Variants in ZNF507 observed in about 807,000 individuals in gnomAD.
ZNF507 encodes the protein zinc finger protein 507.
In ZNF507, 29 loss-of-function variants were observed where a neutral mutation model predicts 80.0. That is an observed-to-expected ratio of 0.36 (90% CI 0.27 to 0.49). ZNF507 has a LOEUF of 0.49. Among genes scored for constraint, ZNF507 ranks in the 20% least tolerant of loss-of-function variants. The pLI is 0.98. For missense variants in ZNF507, 1,081 were observed against 1,152.2 expected (o/e 0.94, Z 0.90); for synonymous variants, 462 against 422.5 (o/e 1.09, Z -1.15).
In ZNF507 at chr19:32,354,188, G is replaced by T. The variant is rs762970740; in HGVS notation, c.1358G>T (p.Gly453Val). The change falls in exon 3 of 7, where the codon GGA (glycine) becomes GTA (valine). Residue 453 changes from glycine (G) to valine (V), a missense_variant. This residue lies in a region of ZNF507 where 614 missense variants were observed against 583.9 expected (regional missense o/e 1.05). Transcript: ENST00000355898. ...RADKCTVDIG[G>V]LIIGWSSSEK... ...GATAAATGTACTGTTGATATTGGGGGATTGATCATAGGCTGGAGCAGTTCA... is the reference window on the plus strand; with the variant it reads ...GATAAATGTACTGTTGATATTGGGGTATTGATCATAGGCTGGAGCAGTTCA... 2 of 1,613,422 alleles carry T rather than the reference G, an allele frequency of 1.2e-6. No individual in the cohort carries two copies. The highest frequency in any genetic ancestry group is 8.5e-7 in the Non-Finnish European group (1 of 1,180,026).
At position 32,352,967 on chromosome 19, in the gene ZNF507, A is replaced by AT. The variant is rs1967190158; in HGVS notation, c.138dup (p.Val47CysfsTer12). ...AAAACTAAACCAGATCCATTAATCC[A>AT]TGTTATCCAGAAGTTAAGCAAGATA... On this transcript the variant is annotated frameshift_variant, in exon 3 of 7. Coordinates refer to ENST00000355898, the MANE Select transcript of ZNF507 (RefSeq NM_001136156.2). LOFTEE classifies it high-confidence loss of function. The AT allele has an allele frequency of 6.2e-7, 1 of 1,614,186 alleles. No individual in the cohort carries two copies. Among genetic ancestry groups the AT allele is most frequent in the East Asian group, 2.2e-5 (1 of 44,888 alleles).
In ZNF507 at chr19:32,387,289, T is replaced by G. The variant is rs1967701811; in HGVS notation, c.*4206T>G. 6.6e-6 allele frequency: 1 copy of G among 152,228 alleles called. No homozygotes were observed. The allele number at this position is 152,228 out of a possible 1,614,324, so 9.4% of individuals were successfully genotyped here. On this transcript the variant is annotated 3_prime_UTR_variant, in exon 7 of 7. Transcript: ENST00000355898. ...TCTATACAGACAGCTATTGACATAT[T>G]TGTTGCATTGACGAAGCTAACATCA...
chr19:32,377,578 G>A (rs911883141), intron 5 of ZNF507, among the ~76,000 whole-genome samples: 2 of 151,986 alleles, frequency 1.3e-5, no homozygotes, highest in Non-Finnish European at 2.9e-5. Context: ...TCGTGCCCTC[G>A]GTCTCTTGCC....
intron 2 of ZNF507, among the ~76,000 whole-genome samples, chr19:32,350,823 T>C (rs1038684460): frequency 5.3e-5 from 8 of 152,186 alleles, no homozygotes; most frequent in African/African-American, 1.9e-4. Context: ...TCAATTTGCA[T>C]TTAACCATTG....
rs1221375909 is a variant in ZNF507 at position 32,345,631 on chromosome 19, G to C, written c.-249G>C. 6.6e-6 allele frequency: 1 copy of C among 152,502 alleles called. No homozygotes were observed. The highest frequency in any genetic ancestry group is 1.5e-5 in the Non-Finnish European group (1 of 68,290). The allele number at this position is 152,502 out of a possible 1,614,324, so 9.4% of individuals were successfully genotyped here. ...GCTCACGTGATCCGTCCCCAGCGCCGCCATTTTGGAGCTCCGGATGAGGAG... is the reference window on the plus strand; with the variant it reads ...GCTCACGTGATCCGTCCCCAGCGCCCCCATTTTGGAGCTCCGGATGAGGAG... On this transcript the variant is annotated 5_prime_UTR_variant, in exon 1 of 7. Coordinates refer to ENST00000355898, the MANE Select transcript of ZNF507 (RefSeq NM_001136156.2).
chr19:32,371,994 A>T (rs1486576996), intron 5 of ZNF507, among the ~76,000 whole-genome samples: 1 of 152,178 alleles, frequency 6.6e-6, no homozygotes, highest in Non-Finnish European at 1.5e-5. Flanking sequence ...ATCCTAAAAA[A>T]TAATCTGCAG....
intron 5 of ZNF507, among the ~76,000 whole-genome samples, chr19:32,378,104 A>G (rs955934145): frequency 2.6e-5 from 4 of 152,180 alleles, no homozygotes; most frequent in Non-Finnish European, 5.9e-5. Flanking sequence ...GTGTAATCCC[A>G]GCACTTTGAG....
intron 1 of ZNF507, among the ~76,000 whole-genome samples, chr19:32,346,629 A>G (rs997844097): frequency 6.6e-6 from 1 of 152,174 alleles, no homozygotes; most frequent in African/African-American, 2.4e-5. Context: ...AGCCCTAAAG[A>G]TGTTTTTTCT....
In ZNF507 at chr19:32,354,055, C is replaced by T. The variant is rs780269657; in HGVS notation, c.1225C>T (p.Leu409Phe). The change falls in exon 3 of 7, where the codon CTT becomes TTT. Residue 409 changes from leucine (L) to phenylalanine (F), a missense_variant. Physicochemically the swap from Leu to Phe is conservative, Grantham distance 22. Transcript: ENST00000355898. ...GCGATTGCCAAGTGCTGAAGAAACCCTTTCACAGAAGCGCTTCCTCATGAA... is the reference window on the plus strand; with the variant it reads ...GCGATTGCCAAGTGCTGAAGAAACCTTTTCACAGAAGCGCTTCCTCATGAA... ...VERLPSAEET[L>F]SQKRFLMNTE... 6.2e-7 allele frequency: 1 copy of T among 1,614,096 alleles called. No homozygotes were observed. Among genetic ancestry groups the T allele is most frequent in the Non-Finnish European group, 8.5e-7 (1 of 1,180,022 alleles).
intron 4 of ZNF507, chr19:32,358,984 C>T (rs1267462073): frequency 6.6e-6 from 1 of 152,182 alleles, no homozygotes; most frequent in Non-Finnish European, 1.5e-5. Context: ...GAAACAGTTG[C>T]TTGAAGTAGC....
At chr19:32,365,391 G>A (rs1329124648) in intron 5 of ZNF507, among the ~76,000 whole-genome samples, 1 of 152,114 alleles carries the variant, frequency 6.6e-6, no homozygotes, top group African/African-American at 2.4e-5. Flanking sequence ...TTGGGGTTTT[G>A]GTCATGAAAT....
rs781077061 is a variant in ZNF507 at position 32,376,412 on chromosome 19, T to C, written c.2361-6055T>C. 6.7e-4 allele frequency among the ~76,000 whole-genome samples: 102 copies of C among 152,298 alleles called. 1 individual carries two copies. Among genetic ancestry groups the C allele is most frequent in the Non-Finnish European group, 1.4e-3 (92 of 68,026 alleles). On this transcript the variant is annotated intron_variant, in intron 5 of 6. Transcript: ENST00000355898. ...ATAAAAGAACTGGAGAAATTATCAG[T>C]CTAGTCTAGGACTGTGGTGGGGAAT... is the stretch of plus-strand genomic sequence containing the variant.
At chr19:32,366,620 G>T (rs948204776) in intron 5 of ZNF507, among the ~76,000 whole-genome samples, 9 of 152,278 alleles carry the variant, frequency 5.9e-5, no homozygotes, top group African/African-American at 2.2e-4. Context: ...ATAGACATTT[G>T]AGTTATTGTA....
In ZNF507 at chr19:32,360,533, A is replaced by G. The variant is rs891897725; in HGVS notation, c.2275A>G (p.Arg759Gly). ...TAAGTCTTCAGTCCAGAAACAATATAGATGTGATGTGTGTGATTATACAAG... is the reference window on the plus strand; with the variant it reads ...TAAGTCTTCAGTCCAGAAACAATATGGATGTGATGTGTGTGATTATACAAG... Reference protein sequence around the residue: ...GNKSSVQKQYRCDVCDYTSTT... With the variant: ...GNKSSVQKQYGCDVCDYTSTT... The change falls in exon 5 of 7, where the codon AGA becomes GGA. Residue 759 changes from arginine (R) to glycine (G), a missense_variant. Transcript: ENST00000355898. 6.3e-7 allele frequency: 1 copy of G among 1,594,884 alleles called. No homozygotes were observed. Among genetic ancestry groups the G allele is most frequent in the African/African-American group, 1.3e-5 (1 of 74,264 alleles).
rs1388408993 is a variant in ZNF507 at position 32,354,270 on chromosome 19, A to C, written c.1440A>C (p.Pro480=). The C allele has an allele frequency of 6.2e-7, 1 of 1,614,204 alleles. No individual in the cohort carries two copies. The highest frequency in any genetic ancestry group is 1.1e-5 in the South Asian group (1 of 91,088). ...TGGCTACTGATGAGAATGCCCCACC[A>C]GGCCGGAGAAGGACAAATTCTGAGT... is the stretch of plus-strand genomic sequence containing the variant. ...KGLATDENAP[P]GRRRTNSESL... is the part of the protein sequence containing the mutation. Residue 480 remains proline (P), a synonymous_variant, in exon 3 of 7, where the codon CCA becomes CCC. Transcript: ENST00000355898.
rs561810770 is a variant in ZNF507 at position 32,382,896 on chromosome 19, G to A, written c.2675G>A (p.Ser892Asn). 178 of 1,614,048 alleles carry A rather than the reference G, an allele frequency of 1.1e-4. 1 individual carries two copies. The South Asian group carries it at 1.3e-3, about 12-fold the overall frequency. ...AGCCCTACAAGTAATACCTCATATAGTTTAGAAAAAATCTCCAGTCTGGCC... is the reference window on the plus strand; with the variant it reads ...AGCCCTACAAGTAATACCTCATATAATTTAGAAAAAATCTCCAGTCTGGCC... ...KLSPTSNTSY[S>N]LEKISSLAPP... The change falls in exon 7 of 7, where the codon AGT (serine) becomes AAT (asparagine). Residue 892 changes from serine to asparagine, a missense_variant. Transcript: ENST00000355898.
At chr19:32,356,367 C>G (rs1040977482) in intron 3 of ZNF507, among the ~76,000 whole-genome samples, 2 of 152,112 alleles carry the variant, frequency 1.3e-5, no homozygotes, top group East Asian at 1.9e-4. Flanking sequence ...GTGTAATCAC[C>G]TAAGAAAATG....
rs1009304406 is a variant in ZNF507, at chr19:32,384,842, A to T, written c.*1759A>T. The T allele has an allele frequency of 1.4e-4, 22 of 152,162 alleles. No individual in the cohort carries two copies. The highest frequency in any genetic ancestry group is 5.3e-4 in the African/African-American group (22 of 41,448). 9.4% of individuals were successfully genotyped at this position (152,162 alleles called of 1,614,324 possible). ...AATCCATTTCTGATACGTGGTTTTTAAAAATATGAAATGGATTTATATATA... is the reference window on the plus strand; with the variant it reads ...AATCCATTTCTGATACGTGGTTTTTTAAAATATGAAATGGATTTATATATA... On this transcript the variant is annotated 3_prime_UTR_variant, in exon 7 of 7. Coordinates refer to ENST00000355898, the MANE Select transcript of ZNF507 (RefSeq NM_001136156.2).
At chr19:32,371,874 C>T (rs761578396) in intron 5 of ZNF507, among the ~76,000 whole-genome samples, 3 of 151,944 alleles carry the variant, frequency 2.0e-5, no homozygotes, top group Non-Finnish European at 2.9e-5. Flanking sequence ...CTCCTGACCT[C>T]GTGAACCGCC....
Sources: gnomAD v4.1 joint callset for allele counts (sites outside exome capture counted in the v4.1 genomes callset) on GRCh38, gnomAD v4.1.1 for gene constraint, gnomAD v4.1.1 regional missense constraint, MANE v1.5 for transcripts, NCBI Gene and HGNC (gene_info 2026-07-23, HGNC 2026-07-21) for gene names.